KLHL29: variants seen among roughly 807,000 people sequenced by gnomAD.
KLHL29 encodes kelch-like protein 29.
In KLHL29, 21 loss-of-function variants were observed where a neutral mutation model predicts 80.4. That is an observed-to-expected ratio of 0.26 (90% CI 0.19 to 0.38). The LOEUF (loss-of-function observed/expected upper bound fraction) is 0.38. Among genes scored for constraint, KLHL29 ranks in the 10% least tolerant of loss-of-function variants. The pLI, the probability that KLHL29 is intolerant of heterozygous loss-of-function variation, is 1.00. For synonymous variants in KLHL29, 511 were observed against 526.8 expected, an observed-to-expected ratio of 0.97 and a Z score of 0.41; for missense variants, 867 against 1,223.9, an observed-to-expected ratio of 0.71 and a Z score of 4.35.
At chr2:23,589,588 G>A (rs1348901350) in intron 3 of KLHL29, among the ~76,000 whole-genome samples, 1 of 152,238 alleles carries the variant, frequency 6.6e-6, no homozygotes, top group African/African-American at 2.4e-5. Flanking sequence ...CTTGGCCCCA[G>A]GACCCCAGAG....
chr2:23,465,501 G>A (rs865874702), intron 1 of KLHL29, among the ~76,000 whole-genome samples: 1 of 152,168 alleles, frequency 6.6e-6, no homozygotes, highest in Non-Finnish European at 1.5e-5. Context: ...TCGCCTCATC[G>A]TGAGACAATT....
chr2:23,604,216 A>T (rs947412061), intron 3 of KLHL29, among the ~76,000 whole-genome samples: 1 of 151,976 alleles, frequency 6.6e-6, no homozygotes, highest in African/African-American at 2.4e-5. Context: ...CAGTGGTACA[A>T]TCTGGGCCTC....
chr2:23,490,076 G>T (rs1665051806), intron 2 of KLHL29, among the ~76,000 whole-genome samples: 1 of 152,238 alleles, frequency 6.6e-6, no homozygotes, highest in Admixed American at 6.5e-5. Context: ...CGCACTGGGG[G>T]AGCCTCCGTG....
intron 3 of KLHL29, among the ~76,000 whole-genome samples, chr2:23,564,435 T>C (rs1667535149): frequency 1.3e-5 from 2 of 152,292 alleles, no homozygotes; most frequent in Middle Eastern, 3.4e-3. Flanking sequence ...CTCCTTGGCA[T>C]GTCACAACAG....
chr2:23,686,674 C>T (rs1393812925), intron 6 of KLHL29, among the ~76,000 whole-genome samples: 1 of 152,084 alleles, frequency 6.6e-6, no homozygotes, highest in Admixed American at 6.5e-5. Flanking sequence ...GAGCAGTTGA[C>T]CATCTGGTGT....
intron 1 of KLHL29, among the ~76,000 whole-genome samples, chr2:23,429,864 G>C (rs1430257655): frequency 4.2e-5 from 6 of 144,194 alleles, no homozygotes; most frequent in African/African-American, 1.6e-4. Flanking sequence ...CATTTTGTAA[G>C]TTTCCTTCTA....
intron 1 of KLHL29, among the ~76,000 whole-genome samples, chr2:23,433,394 C>T (rs1318864995): frequency 1.3e-5 from 2 of 152,144 alleles, no homozygotes; most frequent in African/African-American, 4.8e-5. Flanking sequence ...GCACCATCAT[C>T]CCCATGAGGG....
chr2:23,560,406 G>T (rs1356435737), intron 2 of KLHL29, among the ~76,000 whole-genome samples: 1 of 151,648 alleles, frequency 6.6e-6, no homozygotes, highest in Non-Finnish European at 1.5e-5. Context: ...GAGTAGCTGG[G>T]ACTACAGGCA....
chr2:23,631,434 C>T (rs1360095525), intron 3 of KLHL29, among the ~76,000 whole-genome samples: 2 of 152,218 alleles, frequency 1.3e-5, no homozygotes, highest in Non-Finnish European at 2.9e-5. Flanking sequence ...AACCATCATG[C>T]AGTTTCCGGC....
At chr2:23,686,323 A>G (rs1167937078) in intron 6 of KLHL29, among the ~76,000 whole-genome samples, 1 of 151,438 alleles carries the variant, frequency 6.6e-6, no homozygotes, top group Non-Finnish European at 1.5e-5. Flanking sequence ...ATCAGAAAGG[A>G]TGGGGCTGGA....
intron 1 of KLHL29, among the ~76,000 whole-genome samples, chr2:23,449,873 T>C (rs1056659135): frequency 1.3e-5 from 2 of 152,132 alleles, no homozygotes; most frequent in Admixed American, 6.5e-5. Context: ...AAATCTAATA[T>C]GGAATTCAGC....
chr2:23,597,347 A>G (rs61201589), intron 3 of KLHL29, among the ~76,000 whole-genome samples: 1,050 of 50,190 alleles, frequency 0.021, 9 homozygotes, highest in East Asian at 0.062. Context: ...GTGTGTGTGT[A>G]TGTATATGTG....
At chr2:23,567,959 G>T (rs1347433220) in intron 3 of KLHL29, among the ~76,000 whole-genome samples, 1 of 152,168 alleles carries the variant, frequency 6.6e-6, no homozygotes, top group East Asian at 1.9e-4. Context: ...TGAGCTAATG[G>T]GTTTTGCCTG....
intron 1 of KLHL29, among the ~76,000 whole-genome samples, chr2:23,405,070 G>T (rs1300807199): frequency 6.6e-6 from 1 of 152,120 alleles, no homozygotes; most frequent in East Asian, 1.9e-4. Context: ...AACAAATACT[G>T]GAGTATGATT....
chr2:23,667,456 A>C (rs537443394), intron 5 of KLHL29: 1 of 152,230 alleles, frequency 6.6e-6, no homozygotes, highest in Non-Finnish European at 1.5e-5. Flanking sequence ...CCAATGTGAG[A>C]CAGGACAGGC....
intron 3 of KLHL29, among the ~76,000 whole-genome samples, chr2:23,626,456 A>G (rs1310096197): frequency 6.6e-6 from 1 of 152,194 alleles, no homozygotes; most frequent in Non-Finnish European, 1.5e-5. Context: ...TGACTAATGC[A>G]GTGAGGAGCA....
At chr2:23,674,024 G>A (rs1670856039) in intron 5 of KLHL29, among the ~76,000 whole-genome samples, 1 of 152,182 alleles carries the variant, frequency 6.6e-6, no homozygotes, top group African/African-American at 2.4e-5. Flanking sequence ...GCAGCCAGCT[G>A]GGGCGCTCCT....
At chr2:23,467,333 T>C (rs960756761) in intron 1 of KLHL29, among the ~76,000 whole-genome samples, 3 of 152,266 alleles carry the variant, frequency 2.0e-5, no homozygotes, top group Non-Finnish European at 4.4e-5. Flanking sequence ...TCTCATTCTA[T>C]TTCCAGCTCC....
At chr2:23,671,280 G>A (rs542300692) in intron 5 of KLHL29, among the ~76,000 whole-genome samples, 17 of 152,056 alleles carry the variant, frequency 1.1e-4, no homozygotes, top group East Asian at 9.7e-4. Context: ...GAGGAGACTC[G>A]TGTTCTCCCA....
Sources: allele counts gnomAD v4.1 joint callset (sites outside exome capture counted in the v4.1 genomes callset), GRCh38; gene constraint gnomAD v4.1.1; transcripts MANE v1.5; gene names NCBI Gene and HGNC (gene_info 2026-07-23, HGNC 2026-07-21).